Variants in BPIFC observed in about 807,000 individuals in gnomAD.
The protein encoded by BPIFC is BPI fold containing family C, also known as BPI fold-containing family C protein.
BPIFC carries 60 observed loss-of-function variants against 57.6 expected under a neutral mutation model. The ratio of observed to expected loss-of-function variants is 1.04; its 90% CI spans 0.85 to 1.29. BPIFC has a LOEUF of 1.29. Ranked by LOEUF, BPIFC falls within the 50% of genes most tolerant of loss-of-function variation. The probability of loss-of-function intolerance (pLI) is 0.00; values close to 1 mark genes in which losing one functional copy is unlikely to be tolerated. For synonymous variants in BPIFC, 243 were observed against 224.5 expected (o/e 1.08, Z -0.74); for missense variants, 581 against 600.5 (o/e 0.97, Z 0.34).
intron 4 of BPIFC, among the ~76,000 whole-genome samples, chr22:32,449,895 C>T (rs899455399): frequency 2.6e-5 from 4 of 151,940 alleles, no homozygotes; most frequent in African/African-American, 9.7e-5. Flanking sequence ...CCACCATGCC[C>T]GGCTAATTTT....
Position 32,435,815 on chromosome 22 carries a change from T to G in BPIFC, c.813A>C (p.Pro271=). ...TGTAGAGCATGGAGTTGCTGCGTTC[T>G]GGGAGCACAAAAGGAACTGGTGAGA... ...PPFSPVPFVL[P]ERSNSMLYIG... is the part of the protein sequence containing the mutation. Residue 271 remains proline (P), a synonymous_variant, in exon 10 of 17, where the codon CCA becomes CCC. Coordinates refer to ENST00000300399, the MANE Select transcript of BPIFC (RefSeq NM_174932.3). The G allele has an allele frequency of 3.1e-6, 5 of 1,614,156 alleles. No homozygotes were observed. Among genetic ancestry groups the G allele is most frequent in the Non-Finnish European group, 4.2e-6 (5 of 1,180,018 alleles).
At chr22:32,442,528 A>T in intron 8 of BPIFC, 143 bp downstream of exon 8, 2 of 772,896 alleles carry the variant, frequency 2.6e-6, no homozygotes, top group Admixed American at 5.0e-5. Flanking sequence ...CATCCTCCCA[A>T]GCACCTTCCC....
intron 1 of BPIFC, 37 bp downstream of exon 1, chr22:32,464,337 G>A: frequency 1.0e-6 from 1 of 964,564 alleles, no homozygotes; most frequent in Non-Finnish European, 1.2e-6. Flanking sequence ...TGGAGATCAT[G>A]GCTGGCAGAG....
At chr22:32,424,840 G>A in intron 13 of BPIFC, among the ~76,000 whole-genome samples, 1 of 148,842 alleles carries the variant, frequency 6.7e-6, no homozygotes, top group Non-Finnish European at 1.5e-5. Flanking sequence ...AGAGTGCAGT[G>A]GTGTGATCTC....
chr22:32,424,753 CTCTTCTTCTTCTTCT>C (rs1556036707), intron 13 of BPIFC, among the ~76,000 whole-genome samples: 2 of 35,490 alleles, frequency 5.6e-5, no homozygotes, highest in Non-Finnish European at 9.9e-5. Flanking sequence ...CTTCTTCTTC[CTCTTCTTCTTCTTCT>C]TCTTCTTCTT....
At chr22:32,445,736 G>GGTTAAAAAA in intron 6 of BPIFC, 38 bp from the exon 7 acceptor site, 2 of 612,364 alleles carry the variant, frequency 3.3e-6, no homozygotes, top group African/African-American at 4.5e-5. Flanking sequence ...AAAAAAAAAA[G>GGTTAAAAAA]AGGTTACTCA....
chr22:32,459,445 C>T (rs1344401457), intron 2 of BPIFC, among the ~76,000 whole-genome samples: 1 of 152,004 alleles, frequency 6.6e-6, no homozygotes, highest in Non-Finnish European at 1.5e-5. Context: ...GGGTGGATCA[C>T]GAGGTCAGGA....
intron 3 of BPIFC, among the ~76,000 whole-genome samples, chr22:32,454,053 G>A (rs1000961418): frequency 2.0e-5 from 3 of 152,206 alleles, no homozygotes; most frequent in Non-Finnish European, 4.4e-5. Flanking sequence ...CGAGGCTGCA[G>A]TAAGCCATGA....
intron 10 of BPIFC, among the ~76,000 whole-genome samples, chr22:32,434,285 A>T (rs1468369353): frequency 6.8e-6 from 1 of 147,704 alleles, no homozygotes; most frequent in African/African-American, 2.5e-5. Flanking sequence ...TATATATTAC[A>T]CTCTATATGT....
intron 14 of BPIFC, among the ~76,000 whole-genome samples, chr22:32,418,213 G>C (rs909184410): frequency 1.3e-5 from 2 of 152,096 alleles, no homozygotes; most frequent in Non-Finnish European, 2.9e-5. Context: ...ACAACCCCAA[G>C]GTTGTAATTT....
intron 3 of BPIFC, among the ~76,000 whole-genome samples, chr22:32,455,867 G>C (rs571675307): frequency 2.0e-5 from 3 of 152,366 alleles, no homozygotes; most frequent in African/African-American, 7.2e-5. Flanking sequence ...CTCAAGAAAT[G>C]ATTCTGAATT....
Position 32,453,375 on chromosome 22 carries a change from T to A in BPIFC, c.245+8A>T, listed in dbSNP as rs776063539. On this transcript the variant is annotated splice_region_variant and intron_variant, in intron 4 of 16. Transcript: ENST00000300399. Reference sequence around the variant, plus strand: ...TATAAGAGGCAAAATGCTCTTCTTTTTACTTACTTTGAAAAATTGTAGTTT... The same window carrying A: ...TATAAGAGGCAAAATGCTCTTCTTTATACTTACTTTGAAAAATTGTAGTTT... The A allele has an allele frequency of 1.3e-6, 2 of 1,573,284 alleles. 1 individual carries two copies. The highest frequency in any genetic ancestry group is 3.9e-5 in the Admixed American group (2 of 50,942).
At chr22:32,438,918 C>A (rs1357936329) in intron 8 of BPIFC, among the ~76,000 whole-genome samples, 3 of 151,868 alleles carry the variant, frequency 2.0e-5, no homozygotes, top group Non-Finnish European at 2.9e-5. Context: ...ATTGGAGAGG[C>A]CAAGGAGATT....
At chr22:32,425,347 A>C (rs1934036136) in intron 13 of BPIFC, among the ~76,000 whole-genome samples, 1 of 152,208 alleles carries the variant, frequency 6.6e-6, no homozygotes, top group Non-Finnish European at 1.5e-5. Flanking sequence ...TGTAAGATTT[A>C]AAATGAAATA....
At chr22:32,420,149 C>G (rs1933802905) in intron 13 of BPIFC, among the ~76,000 whole-genome samples, 1 of 151,970 alleles carries the variant, frequency 6.6e-6, no homozygotes, top group South Asian at 2.1e-4. Context: ...AACCCCATCT[C>G]TACTAAAAAA....
intron 1 of BPIFC, among the ~76,000 whole-genome samples, chr22:32,463,107 C>G (rs1179737662): frequency 2.0e-5 from 3 of 152,166 alleles, no homozygotes; most frequent in Admixed American, 1.3e-4. Flanking sequence ...GGCAGGAAAA[C>G]ATATTTTTCC....
chr22:32,428,569 G>A (rs1934138668), intron 13 of BPIFC, among the ~76,000 whole-genome samples: 1 of 151,834 alleles, frequency 6.6e-6, no homozygotes, highest in South Asian at 2.1e-4. Context: ...TTCTTTCTGG[G>A]AAACCATACT....
At chr22:32,447,900 C>T (rs1393525115) in intron 4 of BPIFC, among the ~76,000 whole-genome samples, 2 of 151,906 alleles carry the variant, frequency 1.3e-5, no homozygotes, top group African/African-American at 4.8e-5. Flanking sequence ...TGAGACACCT[C>T]GCCTGGCCTA....
chr22:32,435,725 A>G lies in BPIFC; in HGVS notation c.903T>C (p.Asn301=). The change falls in exon 10 of 17, where the codon AAT becomes AAC. Residue 301 remains asparagine (N), a synonymous_variant. Transcript: ENST00000300399. The part of the protein sequence containing the change: ...SFAHFTAGVF[N]VTLSTEEISN... ...TCACCTCTTCGGTGGAGAGAGTGACATTGAAAACCCCAGCTGTGAAATGAG... is the reference window on the plus strand; with the variant it reads ...TCACCTCTTCGGTGGAGAGAGTGACGTTGAAAACCCCAGCTGTGAAATGAG... 5 of 1,614,056 alleles carry G rather than the reference A, an allele frequency of 3.1e-6. No individual in the cohort carries two copies. Among genetic ancestry groups the G allele is most frequent in the Non-Finnish European group, 4.2e-6 (5 of 1,179,986 alleles).
Sources: gnomAD v4.1 joint callset for allele counts (sites outside exome capture counted in the v4.1 genomes callset) on GRCh38, gnomAD v4.1.1 for gene constraint, MANE v1.5 for transcripts, NCBI Gene and HGNC (gene_info 2026-07-23, HGNC 2026-07-21) for gene names.